Variants in JPH3 observed in about 807,000 individuals in gnomAD.
JPH3 encodes the protein junctophilin-3.
Under a neutral mutation model 59.6 loss-of-function variants are expected in JPH3, and 11 were observed. The ratio of observed to expected loss-of-function variants is 0.18; its 90% CI spans 0.12 to 0.31. The LOEUF is 0.31. Ranked by LOEUF, JPH3 falls within the 10% of genes least tolerant of loss-of-function variation. The pLI, the probability that JPH3 is intolerant of heterozygous loss-of-function variation, is 1.00. For missense variants in JPH3, 1,202 were observed against 1,105.7 expected (o/e 1.09, Z -1.24); for synonymous variants, 673 against 483.6 (o/e 1.39, Z -5.14).
rs990262673 is a variant in JPH3 at position 87,634,665 on chromosome 16, C to T, written c.383-9593C>T. ...CTGTGACGGGAGGGGGGCTCTGGCC[C>T]GTGCCCACCCATGGGAAACGGGCCC... is the stretch of plus-strand genomic sequence containing the variant. On this transcript the variant is annotated intron_variant, in intron 1 of 4. Transcript: ENST00000284262. Among the ~76,000 whole-genome samples the T allele has an allele frequency of 2.0e-5, 3 of 152,304 alleles. 1 individual carries two copies. The highest frequency in any genetic ancestry group is 1.3e-4 in the Admixed American group (2 of 15,306).
In JPH3 at chr16:87,690,003, G is replaced by A. The variant is rs1321859488; in HGVS notation, c.1643G>A (p.Arg548His). Residue 548 changes from arginine (R) to histidine (H), a missense_variant, in exon 4 of 5, where the codon CGC becomes CAC. By Grantham distance (29) the Arg-to-His change is conservative. Transcript: ENST00000284262. ...AGGGGTGTCCGCAGCGGTGCCCTGC[G>A]CGGCGGCCTGCTCGTGGATGACTTC... ...GSRGVRSGALRGGLLVDDFRT... is the reference protein window; with the variant it reads ...GSRGVRSGALHGGLLVDDFRT... 11 of 1,509,452 alleles carry A rather than the reference G, an allele frequency of 7.3e-6. No homozygotes were observed. The Middle Eastern group carries it at 8.8e-4, about 120-fold the overall frequency. 93.5% of individuals were successfully genotyped at this position (1,509,452 alleles called of 1,614,324 possible). A position where few individuals can be genotyped will look rare whatever the true frequency, so the allele number is the denominator to read the frequency against.
chr16:87,617,852 C>A (rs2031029014), intron 1 of JPH3, among the ~76,000 whole-genome samples: 1 of 151,998 alleles, frequency 6.6e-6, no homozygotes, highest in Non-Finnish European at 1.5e-5. Flanking sequence ...TCTCCCACTC[C>A]CGGTGGCATT....
At chr16:87,682,349 T>TGGG (rs754157308) in intron 2 of JPH3, among the ~76,000 whole-genome samples, 121 of 152,152 alleles carry the variant, frequency 8.0e-4, no homozygotes, top group Non-Finnish European at 1.4e-3. Flanking sequence ...ATGGCAGAGA[T>TGGG]GGGGGGTCAG....
chr16:87,642,108 C>T (rs77990744), intron 1 of JPH3, among the ~76,000 whole-genome samples: 2,916 of 151,424 alleles, frequency 0.019, 66 homozygotes, highest in East Asian at 0.1. Context: ...TGGGGGGTGG[C>T]GGGTGAAGGT....
chr16:87,631,885 T>C (rs1325565868), intron 1 of JPH3, among the ~76,000 whole-genome samples: 1 of 152,224 alleles, frequency 6.6e-6, no homozygotes, highest in African/African-American at 2.4e-5. Context: ...GTCTTTCCTT[T>C]TTAATTGCAT....
At position 87,668,721 on chromosome 16, in the gene JPH3, G is replaced by C. The variant is rs1281857858; in HGVS notation, c.1161-15421G>C. Among the ~76,000 whole-genome samples, 5 of 152,142 alleles carry C rather than the reference G, an allele frequency of 3.3e-5. No individual in the cohort carries two copies. In the East Asian group the frequency reaches 9.6e-4, roughly 29 times the overall value. Reference sequence around the variant, plus strand: ...CCATTGCTGTCAGTCTCTAAATGGGGCCTTTCCTGCCCAGCTCCCAGCCCT... The same window carrying C: ...CCATTGCTGTCAGTCTCTAAATGGGCCCTTTCCTGCCCAGCTCCCAGCCCT... On this transcript the variant is annotated intron_variant, in intron 2 of 4. Transcript: ENST00000284262.
chr16:87,623,857 C>A (rs1406868273), intron 1 of JPH3, among the ~76,000 whole-genome samples: 1 of 152,250 alleles, frequency 6.6e-6, no homozygotes, highest in African/African-American at 2.4e-5. Context: ...GCTGTGGGGT[C>A]CCCCGAGGCC....
rs746694210 is a variant in JPH3, at chr16:87,644,979, G to A, written c.1104G>A (p.Glu368=). 2 of 1,609,814 alleles carry A rather than the reference G, an allele frequency of 1.2e-6. No homozygotes were observed. ...GCGAGAAGGTGGACCGCGCCGTTGA[G>A]GCCGCTGAGCGGGCCGCCACCATCG... ...KIREKVDRAV[E]AAERAATIAK... Residue 368 remains glutamate, a synonymous_variant, in exon 2 of 5, where the codon GAG becomes GAA. Coordinates refer to ENST00000284262, the MANE Select transcript of JPH3 (RefSeq NM_020655.4).
At chr16:87,662,865 C>A (rs936063026) in intron 2 of JPH3, among the ~76,000 whole-genome samples, 4 of 152,244 alleles carry the variant, frequency 2.6e-5, no homozygotes, top group African/African-American at 9.6e-5. Flanking sequence ...CTACCTGAAA[C>A]CTTTCAGGCC....
intron 2 of JPH3, among the ~76,000 whole-genome samples, chr16:87,665,947 C>T (rs56376716): frequency 6.6e-6 from 1 of 152,130 alleles, no homozygotes; most frequent in Non-Finnish European, 1.5e-5. Flanking sequence ...CAACCTCAGC[C>T]TGGTCGCAGC....
At chr16:87,688,373 C>T (rs146581992) in intron 3 of JPH3, among the ~76,000 whole-genome samples, 14 of 152,312 alleles carry the variant, frequency 9.2e-5, no homozygotes, top group African/African-American at 3.1e-4. Context: ...CAGCGTGCCC[C>T]GAATCTGCTT....
At chr16:87,666,002 G>A (rs899989045) in intron 2 of JPH3, among the ~76,000 whole-genome samples, 2 of 152,152 alleles carry the variant, frequency 1.3e-5, no homozygotes, top group South Asian at 2.1e-4. Flanking sequence ...GCAGAGGCCC[G>A]CTCGATCCAT....
At chr16:87,638,594 A>T (rs2031835677) in intron 1 of JPH3, among the ~76,000 whole-genome samples, 1 of 151,966 alleles carries the variant, frequency 6.6e-6, no homozygotes, top group Non-Finnish European at 1.5e-5. Flanking sequence ...GGCAGGGCTG[A>T]GGTGGGTCGG....
At chr16:87,621,539 G>C (rs1034998616) in intron 1 of JPH3, among the ~76,000 whole-genome samples, 1 of 152,184 alleles carries the variant, frequency 6.6e-6, no homozygotes, top group Non-Finnish European at 1.5e-5. Context: ...GCTTCCCCTC[G>C]TGATTCTCCT....
At chr16:87,617,761 C>T (rs1198824440) in intron 1 of JPH3, among the ~76,000 whole-genome samples, 1 of 152,028 alleles carries the variant, frequency 6.6e-6, no homozygotes, top group Non-Finnish European at 1.5e-5. Flanking sequence ...GTGAAACATG[C>T]TCAGCAGAGA....
intron 1 of JPH3, among the ~76,000 whole-genome samples, chr16:87,613,918 A>T (rs1385731035): frequency 6.6e-6 from 1 of 152,218 alleles, no homozygotes; most frequent in Non-Finnish European, 1.5e-5. Flanking sequence ...ACTCGCTGAG[A>T]TCACAGCGCT....
intron 2 of JPH3, among the ~76,000 whole-genome samples, chr16:87,647,935 T>A (rs2150848314): frequency 6.6e-6 from 1 of 152,300 alleles, no homozygotes; most frequent in East Asian, 1.9e-4. Flanking sequence ...CGTGGCTGAG[T>A]GCCCCAGGCC....
intron 1 of JPH3, among the ~76,000 whole-genome samples, chr16:87,608,196 G>A (rs780379119): frequency 1.3e-4 from 20 of 152,342 alleles, no homozygotes; most frequent in African/African-American, 1.9e-4. Flanking sequence ...ACACCCAGCC[G>A]GAGAGAGCAA....
intron 2 of JPH3, among the ~76,000 whole-genome samples, chr16:87,683,015 G>A (rs1475973638): frequency 6.6e-6 from 1 of 152,256 alleles, no homozygotes; most frequent in Non-Finnish European, 1.5e-5. Flanking sequence ...GGCCAGAGGG[G>A]TGACGTGCCC....
Sources: allele counts gnomAD v4.1 joint callset (sites outside exome capture counted in the v4.1 genomes callset), GRCh38; gene constraint gnomAD v4.1.1; transcripts MANE v1.5; gene names NCBI Gene and HGNC (gene_info 2026-07-23, HGNC 2026-07-21).